TMEM74: variants seen among roughly 807,000 people sequenced by gnomAD.
TMEM74 encodes the protein transmembrane protein 74.
In TMEM74, 13 loss-of-function variants were observed where a neutral mutation model predicts 18.1. The ratio of observed to expected loss-of-function variants is 0.72; its 90% CI spans 0.47 to 1.14. The LOEUF (loss-of-function observed/expected upper bound fraction) is 1.14, where lower values mean the gene tolerates loss of function less well. Ranked by LOEUF, TMEM74 falls within the 50% of genes most tolerant of loss-of-function variation. The pLI is 0.00. For missense variants in TMEM74, 372 were observed against 375.9 expected, an observed-to-expected ratio of 0.99 and a Z score of 0.09; for synonymous variants, 159 against 146.6, an observed-to-expected ratio of 1.08 and a Z score of -0.61.
chr8:108,648,028 A>G (rs180746418), intron 2 of TMEM74, among the ~76,000 whole-genome samples: 7 of 152,152 alleles, frequency 4.6e-5, no homozygotes, highest in African/African-American at 1.7e-4. Context: ...AGTTATTCCA[A>G]TCAAAGAGGG....
intron 2 of TMEM74, among the ~76,000 whole-genome samples, chr8:108,621,397 G>T (rs926701632): frequency 1.3e-5 from 2 of 152,142 alleles, no homozygotes; most frequent in Admixed American, 6.6e-5. Context: ...TCTAGGTTGT[G>T]CCTGTCTTTG....
chr8:108,629,090 G>C (rs1812524855), intron 2 of TMEM74, among the ~76,000 whole-genome samples: 1 of 151,838 alleles, frequency 6.6e-6, no homozygotes, highest in Admixed American at 6.6e-5. Context: ...TAGATTGCCT[G>C]TCCATTCTGA....
At chr8:108,755,127 T>G (rs1234136912) in intron 1 of TMEM74, among the ~76,000 whole-genome samples, 4 of 152,072 alleles carry the variant, frequency 2.6e-5, no homozygotes, top group Non-Finnish European at 5.9e-5. Context: ...ATGACAGTGA[T>G]TACATAGCAA....
intron 1 of TMEM74, among the ~76,000 whole-genome samples, chr8:108,744,972 T>C (rs1010798701): frequency 1.6e-4 from 24 of 152,140 alleles, no homozygotes; most frequent in African/African-American, 5.5e-4. Context: ...CATAAGAAAT[T>C]TGGGGGACCT....
rs2129665707 is a variant in TMEM74, at chr8:108,782,573, C to G, written c.*1608G>C. Among the ~76,000 whole-genome samples, 1 of 152,306 alleles carries G rather than the reference C, an allele frequency of 6.6e-6. No homozygotes were observed. The highest frequency in any genetic ancestry group is 2.1e-4 in the South Asian group (1 of 4,830). On this transcript the variant is annotated 3_prime_UTR_variant, in exon 2 of 2. Transcript: ENST00000297459. ...CAATCTGACACCCATGAGAGCTCATCCACATAAATATCCTGATTCACACAT... is the reference window on the plus strand; with the variant it reads ...CAATCTGACACCCATGAGAGCTCATGCACATAAATATCCTGATTCACACAT...
chr8:108,727,122 A>C (rs1813646499), intron 1 of TMEM74, among the ~76,000 whole-genome samples: 1 of 152,148 alleles, frequency 6.6e-6, no homozygotes, highest in African/African-American at 2.4e-5. Flanking sequence ...GGATCATCCA[A>C]GATAGGAGAG....
intron 2 of TMEM74, among the ~76,000 whole-genome samples, chr8:108,617,860 C>A (rs554521303): frequency 2.4e-4 from 36 of 152,180 alleles, no homozygotes; most frequent in Admixed American, 6.5e-5. Context: ...GTGTTGAACC[C>A]CGCTATACCT....
intron 1 of TMEM74, among the ~76,000 whole-genome samples, chr8:108,669,730 C>G (rs1812983848): frequency 6.6e-6 from 1 of 152,118 alleles, no homozygotes; most frequent in Admixed American, 6.6e-5. Flanking sequence ...TGAGAGAATA[C>G]AGCATTCTTC....
intron 1 of TMEM74, among the ~76,000 whole-genome samples, chr8:108,752,611 T>A (rs1354615269): frequency 6.6e-6 from 1 of 152,128 alleles, no homozygotes; most frequent in East Asian, 1.9e-4. Context: ...CCTAATTGCA[T>A]GATTTCAACC....
chr8:108,739,549 G>A (rs1760128795), intron 1 of TMEM74, among the ~76,000 whole-genome samples: 1 of 152,150 alleles, frequency 6.6e-6, no homozygotes, highest in Admixed American at 6.6e-5. Context: ...TTATTGCAGT[G>A]TAATAAATCA....
chr8:108,753,370 G>A (rs539070648), intron 1 of TMEM74, among the ~76,000 whole-genome samples: 4 of 151,950 alleles, frequency 2.6e-5, no homozygotes, highest in Non-Finnish European at 5.9e-5. Context: ...ATGCCTGGAT[G>A]TCTAAGAATA....
At position 108,783,492 on chromosome 8, in the gene TMEM74, C is replaced by T. The variant is rs903235982; in HGVS notation, c.*689G>A. 1.3e-5 allele frequency: 2 copies of T among 152,218 alleles called. No individual in the cohort carries two copies. Among genetic ancestry groups the T allele is most frequent in the Non-Finnish European group, 2.9e-5 (2 of 68,040 alleles). 9.4% of individuals were successfully genotyped at this position (152,218 alleles called of 1,614,324 possible). ...AAGAGCCTGTGACCCTGGCTAATAT[C>T]TGGCACCAACACTGTGGTTTAAATT... is the stretch of plus-strand genomic sequence containing the variant. On this transcript the variant is annotated 3_prime_UTR_variant, in exon 2 of 2. Transcript: ENST00000297459.
chr8:108,696,220 G>A (rs898469012), intron 1 of TMEM74, among the ~76,000 whole-genome samples: 2 of 152,110 alleles, frequency 1.3e-5, no homozygotes, highest in African/African-American at 4.8e-5. Context: ...ATATTTTCCA[G>A]CACTTACTCT....
chr8:108,678,494 A>G (rs1249684351), intron 1 of TMEM74, among the ~76,000 whole-genome samples: 1 of 149,990 alleles, frequency 6.7e-6, no homozygotes, highest in Non-Finnish European at 1.5e-5. Context: ...CCTCTCAAGT[A>G]GCTGAGATTA....
At chr8:108,773,595 G>A (rs1229483624) in intron 1 of TMEM74, among the ~76,000 whole-genome samples, 5 of 152,116 alleles carry the variant, frequency 3.3e-5, no homozygotes, top group Admixed American at 2.6e-4. Context: ...AAGTGACAGT[G>A]TTTGACGTCC....
At chr8:108,785,179 T>C (rs1019252579) in intron 1 of TMEM74, 42 bp from the exon 2 acceptor site, 3 of 1,447,872 alleles carry the variant, frequency 2.1e-6, no homozygotes, top group Non-Finnish European at 2.8e-6. Context: ...CAACAGAAGC[T>C]AAGGTTGTAC....
intron 1 of TMEM74, among the ~76,000 whole-genome samples, chr8:108,673,666 A>G (rs918146757): frequency 1.3e-5 from 2 of 152,262 alleles, no homozygotes; most frequent in African/African-American, 4.8e-5. Context: ...TATGCTTAAA[A>G]TGTACCTAAA....
At chr8:108,660,504 T>C (rs1379261319) in intron 1 of TMEM74, among the ~76,000 whole-genome samples, 1 of 152,136 alleles carries the variant, frequency 6.6e-6, no homozygotes, top group African/African-American at 2.4e-5. Context: ...CACCCTCAAC[T>C]CCATAGCAGA....
chr8:108,609,162 T>C (rs1442546580), intron 2 of TMEM74, among the ~76,000 whole-genome samples: 1 of 152,186 alleles, frequency 6.6e-6, no homozygotes, highest in Non-Finnish European at 1.5e-5. Context: ...AGAATGCACA[T>C]AAGCAAGGCT....
Sources: gnomAD v4.1 joint callset for allele counts (sites outside exome capture counted in the v4.1 genomes callset) on GRCh38, gnomAD v4.1.1 for gene constraint, MANE v1.5 for transcripts, NCBI Gene and HGNC (gene_info 2026-07-23, HGNC 2026-07-21) for gene names.